Variants in CHFR observed in about 807,000 individuals in gnomAD.
CHFR encodes the protein checkpoint with forkhead and ring finger domains.
CHFR carries 57 observed loss-of-function variants against 87.6 expected under a neutral mutation model. The observed-to-expected ratio is 0.65, with a 90% CI of 0.53 to 0.81. CHFR has a LOEUF of 0.81. CHFR is among the 30% of genes least tolerant of loss of function. The probability of loss-of-function intolerance (pLI) is 0.00; values close to 1 mark genes in which losing one functional copy is unlikely to be tolerated. For synonymous variants in CHFR, 381 were observed against 359.2 expected, an observed-to-expected ratio of 1.06 and a Z score of -0.69; for missense variants, 797 against 865.8, an observed-to-expected ratio of 0.92 and a Z score of 1.00.
intron 14 of CHFR, 42 bp downstream of exon 14, chr12:132,848,043 A>C (rs756502043): frequency 6.2e-7 from 1 of 1,611,808 alleles, no homozygotes; most frequent in Non-Finnish European, 8.5e-7. Context: ...CACTAGGGAG[A>C]AAATGTGGCT....
chr12:132,843,602 C>T (rs1950746991), intron 16 of CHFR, among the ~76,000 whole-genome samples: 1 of 152,098 alleles, frequency 6.6e-6, no homozygotes, highest in Admixed American at 6.6e-5. Context: ...GGCCTGACGT[C>T]CTGCCGGCTC....
At chr12:132,879,783 A>G (rs1951724372) in intron 2 of CHFR, among the ~76,000 whole-genome samples, 1 of 152,200 alleles carries the variant, frequency 6.6e-6, no homozygotes. Flanking sequence ...ATTAATCATT[A>G]CTGCCTATAA....
At chr12:132,842,666 C>T (rs541618077) in intron 17 of CHFR, among the ~76,000 whole-genome samples, 27 of 152,382 alleles carry the variant, frequency 1.8e-4, no homozygotes, top group African/African-American at 4.3e-4. Context: ...GCTCACGGGA[C>T]GGACGAGAAC....
chr12:132,846,824 G>C (rs1436782309), intron 15 of CHFR, among the ~76,000 whole-genome samples: 1 of 152,174 alleles, frequency 6.6e-6, no homozygotes. Flanking sequence ...AGGGGGCCTT[G>C]AGCTGAGATC....
chr12:132,848,973 G>A (rs1240576124), intron 12 of CHFR: 2 of 475,738 alleles, frequency 4.2e-6, no homozygotes, highest in Non-Finnish European at 7.6e-6. Context: ...TAGAGATGGA[G>A]TCTCGCTCTG....
At chr12:132,870,948 C>T (rs1157077879) in intron 4 of CHFR, among the ~76,000 whole-genome samples, 165 bp from the exon 5 acceptor site, 1 of 152,192 alleles carries the variant, frequency 6.6e-6, no homozygotes, top group Non-Finnish European at 1.5e-5. Flanking sequence ...TAATCTAAAA[C>T]ATCTCTACCA....
intron 12 of CHFR, among the ~76,000 whole-genome samples, chr12:132,850,995 A>ATG (rs1178678609): frequency 9.1e-6 from 1 of 110,398 alleles, no homozygotes; most frequent in Non-Finnish European, 1.9e-5. Context: ...ATATATATAT[A>ATG]TATGTTTTGT....
rs1331326281 is a variant in CHFR at position 132,856,435 on chromosome 12, C to T, written c.1229+33G>A. ...ACGGTTGTGATGCTCCTCTGGCTCACACACTCTGCTCTGAGCCAGGGGCAT... is the reference window on the plus strand; with the variant it reads ...ACGGTTGTGATGCTCCTCTGGCTCATACACTCTGCTCTGAGCCAGGGGCAT... On this transcript the variant is annotated intron_variant, in intron 10 of 17. Coordinates refer to ENST00000450056, the MANE Select transcript of CHFR (RefSeq NM_001161346.2). 3.7e-6 allele frequency: 6 copies of T among 1,610,656 alleles called. No individual in the cohort carries two copies. The Middle Eastern group carries it at 5.8e-4, about 155-fold the overall frequency.
chr12:132,857,334 T>G, intron 9 of CHFR, 71 bp downstream of exon 9: 2 of 1,527,980 alleles, frequency 1.3e-6, no homozygotes, highest in South Asian at 2.4e-5. Context: ...GTGGATGCCC[T>G]CACGTGCCTG....
chr12:132,853,663 A>C, intron 10 of CHFR, 90 bp from the exon 11 acceptor site: 3 of 1,399,644 alleles, frequency 2.1e-6, no homozygotes, highest in African/African-American at 1.5e-5. Context: ...ATCACAGCTC[A>C]GCTCCACCGT....
chr12:132,872,862 C>T (rs746181525), intron 3 of CHFR, among the ~76,000 whole-genome samples: 4 of 152,178 alleles, frequency 2.6e-5, no homozygotes, highest in African/African-American at 4.8e-5. Flanking sequence ...AATGCTGGGC[C>T]GTCAGCTGCA....
intron 10 of CHFR, chr12:132,853,885 G>A (rs1951004969): frequency 8.1e-6 from 3 of 371,930 alleles, no homozygotes; most frequent in Admixed American, 1.0e-4. Flanking sequence ...GCAAGGGCCA[G>A]CACGTGCGCG....
intron 14 of CHFR, chr12:132,847,518 C>T (rs1402245675): frequency 9.2e-7 from 1 of 1,082,518 alleles, no homozygotes; most frequent in Non-Finnish European, 1.1e-6. Flanking sequence ...CACACACGAG[C>T]TGTTGAGCTC....
chr12:132,841,245 A>C lies in CHFR; in HGVS notation c.*309T>G. On this transcript the variant is annotated 3_prime_UTR_variant, in exon 18 of 18. Coordinates refer to ENST00000450056, the MANE Select transcript of CHFR (RefSeq NM_001161346.2). ...TTAACTGTAGTTTCGGAAAATGTAC[A>C]AAAGAGCAAAACTGCCCCTCTCGGC... is the stretch of plus-strand genomic sequence containing the variant. The C allele has an allele frequency of 6.5e-6, 2 of 307,080 alleles. No individual in the cohort carries two copies. Among genetic ancestry groups the C allele is most frequent in the Non-Finnish European group, 1.2e-5 (2 of 165,680 alleles). The allele number at this position is 307,080 out of a possible 1,614,324, so 19.0% of individuals were successfully genotyped here.
At chr12:132,872,012 C>T (rs970727448) in intron 4 of CHFR, 1 of 414,924 alleles carries the variant, frequency 2.4e-6, no homozygotes. Context: ...AGAACCCAAA[C>T]CATCCCCATC....
At chr12:132,843,214 G>C in intron 16 of CHFR, 131 bp from the exon 17 acceptor site, 1 of 792,096 alleles carries the variant, frequency 1.3e-6, no homozygotes, top group Non-Finnish European at 2.2e-6. Flanking sequence ...TCCATAACTA[G>C]TTTCCTCGGA....
intron 6 of CHFR, among the ~76,000 whole-genome samples, chr12:132,865,449 G>T: frequency 6.6e-6 from 1 of 151,716 alleles, no homozygotes; most frequent in Non-Finnish European, 1.5e-5. Flanking sequence ...CCGCCTCCCA[G>T]CCTCAGGTGA....
At chr12:132,883,354 A>G (rs1237446942) in intron 2 of CHFR, among the ~76,000 whole-genome samples, 1 of 149,202 alleles carries the variant, frequency 6.7e-6, no homozygotes, top group Non-Finnish European at 1.5e-5. Context: ...TGAACCTGGG[A>G]GGCGGAGGTT....
chr12:132,881,419 A>G (rs1265708763), intron 2 of CHFR, among the ~76,000 whole-genome samples: 1 of 152,234 alleles, frequency 6.6e-6, no homozygotes, highest in South Asian at 2.1e-4. Context: ...TAGAAAGTAA[A>G]TAATGCAACT....
Sources: gnomAD v4.1 joint callset for allele counts (sites outside exome capture counted in the v4.1 genomes callset) on GRCh38, gnomAD v4.1.1 for gene constraint, MANE v1.5 for transcripts, NCBI Gene and HGNC (gene_info 2026-07-23, HGNC 2026-07-21) for gene names.